CFAP299: variants seen among roughly 807,000 people sequenced by gnomAD.
CFAP299 encodes the protein cilia and flagella associated protein 299.
CFAP299 carries 21 observed loss-of-function variants against 27.0 expected under a neutral mutation model. That is an observed-to-expected ratio of 0.78 (90% CI 0.55 to 1.12). The LOEUF is 1.12. Among genes scored for constraint, CFAP299 ranks in the 50% most tolerant of loss-of-function variants. The pLI, the probability that CFAP299 is intolerant of heterozygous loss-of-function variation, is 0.00. For missense variants in CFAP299, 310 were observed against 276.6 expected, an observed-to-expected ratio of 1.12 and a Z score of -0.86; for synonymous variants, 104 against 98.1, an observed-to-expected ratio of 1.06 and a Z score of -0.36.
intron 2 of CFAP299, among the ~76,000 whole-genome samples, chr4:80,411,737 T>C (rs1415082482): frequency 2.0e-5 from 3 of 152,168 alleles, no homozygotes; most frequent in Non-Finnish European, 4.4e-5. Flanking sequence ...TCAAGAGCCC[T>C]TGAATGTTAT....
intron 3 of CFAP299, among the ~76,000 whole-genome samples, chr4:80,843,249 G>A (rs2110140573): frequency 6.6e-6 from 1 of 151,970 alleles, no homozygotes; most frequent in South Asian, 2.1e-4. Context: ...CCCCACAACA[G>A]GCCCCAGTGT....
At chr4:80,326,777 C>T in the CFAP299 span, among the ~76,000 whole-genome samples, 2 of 152,060 alleles carry the variant, frequency 1.3e-5, no homozygotes, top group Admixed American at 1.3e-4. Flanking sequence ...TTTGGGTAGC[C>T]TTTTTAAAAA....
intron 3 of CFAP299, among the ~76,000 whole-genome samples, chr4:80,851,942 G>A (rs1207890524): frequency 6.6e-6 from 1 of 152,104 alleles, no homozygotes; most frequent in Non-Finnish European, 1.5e-5. Flanking sequence ...TTATTGATCT[G>A]CGATTGTACT....
At position 80,808,181 on chromosome 4, in the gene CFAP299, C is replaced by T. The variant is rs1728961842; in HGVS notation, c.334-61812C>T. On this transcript the variant is annotated intron_variant, in intron 3 of 5. Coordinates refer to ENST00000358105, the MANE Select transcript of CFAP299 (RefSeq NM_152770.3). ...TTTTGATACCGAAATAGTGAAATAT[C>T]AAGTTAAACCAGTTAATTTGACTGC... Among the ~76,000 whole-genome samples the T allele has an allele frequency of 3.3e-5, 5 of 152,126 alleles. No homozygotes were observed. The South Asian group carries it at 1.0e-3, about 32-fold the overall frequency.
At chr4:80,837,336 G>A (rs555286636) in intron 3 of CFAP299, among the ~76,000 whole-genome samples, 17 of 152,260 alleles carry the variant, frequency 1.1e-4, no homozygotes, top group Admixed American at 9.8e-4. Context: ...TACAGAACAT[G>A]GAGGTTTGTT....
chr4:80,452,811 A>G lies in CFAP299; in HGVS notation c.242+89927A>G, dbSNP rs145060854. Among the ~76,000 whole-genome samples, 776 of 152,344 alleles carry G rather than the reference A, an allele frequency of 5.1e-3. 4 individuals are homozygous for G. Among genetic ancestry groups the G allele is most frequent in the Middle Eastern group, 0.017 (5 of 294 alleles). On this transcript the variant is annotated intron_variant, in intron 2 of 5. Coordinates refer to ENST00000358105, the MANE Select transcript of CFAP299 (RefSeq NM_152770.3). ...CAAATGAAAACATCCGTCCGCATTG[A>G]TGTTTTCCATTAGTCATCTTCAGAG...
chr4:80,712,049 T>C (rs1722206465), intron 3 of CFAP299, among the ~76,000 whole-genome samples: 1 of 152,198 alleles, frequency 6.6e-6, no homozygotes, highest in Non-Finnish European at 1.5e-5. Flanking sequence ...GCTCATGATG[T>C]ACTGCCAAGT....
At chr4:80,824,862 A>T (rs1176183710) in intron 3 of CFAP299, among the ~76,000 whole-genome samples, 2 of 152,096 alleles carry the variant, frequency 1.3e-5, no homozygotes, top group Non-Finnish European at 2.9e-5. Context: ...TTAACAAAAG[A>T]TTCACAGGGC....
At chr4:80,888,646 C>A (rs1170912681) in intron 4 of CFAP299, among the ~76,000 whole-genome samples, 2 of 152,000 alleles carry the variant, frequency 1.3e-5, no homozygotes, top group African/African-American at 2.4e-5. Context: ...CAAAATATTT[C>A]ATTCAATGGC....
chr4:80,700,907 A>G (rs1036749748), intron 3 of CFAP299, among the ~76,000 whole-genome samples: 39 of 152,058 alleles, frequency 2.6e-4, no homozygotes, highest in Non-Finnish European at 1.2e-4. Flanking sequence ...TGATTTACTA[A>G]TAGAAAAACA....
At chr4:80,345,088 T>TG (rs1220876281) in intron 1 of CFAP299, among the ~76,000 whole-genome samples, 1 of 152,204 alleles carries the variant, frequency 6.6e-6, no homozygotes, top group Non-Finnish European at 1.5e-5. Flanking sequence ...AAGACAAGGA[T>TG]GTCCTCTCTC....
At chr4:80,440,208 G>A (rs1728290971) in intron 2 of CFAP299, among the ~76,000 whole-genome samples, 1 of 152,180 alleles carries the variant, frequency 6.6e-6, no homozygotes, top group Non-Finnish European at 1.5e-5. Flanking sequence ...TCTGCTAAGG[G>A]ACAGACTGCC....
intron 3 of CFAP299, among the ~76,000 whole-genome samples, chr4:80,616,711 G>A (rs1738308253): frequency 6.6e-6 from 1 of 151,854 alleles, no homozygotes; most frequent in African/African-American, 2.4e-5. Context: ...TGTACTGATG[G>A]TCCCAACATA....
intron 2 of CFAP299, among the ~76,000 whole-genome samples, chr4:80,468,071 G>A (rs866884547): frequency 8.5e-5 from 13 of 152,196 alleles, no homozygotes; most frequent in Middle Eastern, 6.8e-3. Flanking sequence ...CCCTATCAGT[G>A]GATGAAAGTA....
intron 4 of CFAP299, among the ~76,000 whole-genome samples, chr4:80,897,775 T>C (rs1414886187): frequency 3.9e-5 from 6 of 152,230 alleles, no homozygotes. Flanking sequence ...TGTTTCCTTA[T>C]GCCCTGTGTC....
chr4:80,749,865 G>A (rs185050510), intron 3 of CFAP299, among the ~76,000 whole-genome samples: 7 of 152,210 alleles, frequency 4.6e-5, no homozygotes, highest in African/African-American at 1.7e-4. Flanking sequence ...ATCTCCTTTG[G>A]CAACACCCTC....
intron 2 of CFAP299, among the ~76,000 whole-genome samples, chr4:80,537,139 T>A (rs369410126): frequency 2.0e-5 from 3 of 152,210 alleles, no homozygotes; most frequent in African/African-American, 7.2e-5. Context: ...AAAAGGTCAA[T>A]GTAGTATCGC....
intron 3 of CFAP299, among the ~76,000 whole-genome samples, chr4:80,683,203 A>G (rs975518723): frequency 6.6e-6 from 1 of 152,180 alleles, no homozygotes; most frequent in African/African-American, 2.4e-5. Flanking sequence ...TGAATTCTTT[A>G]TAAATAATTA....
chr4:80,545,972 C>A (rs1274129572), intron 2 of CFAP299, among the ~76,000 whole-genome samples: 1 of 152,168 alleles, frequency 6.6e-6, no homozygotes, highest in African/African-American at 2.4e-5. Flanking sequence ...AAATGTGATT[C>A]ACCACATAAA....
Sources: allele counts gnomAD v4.1 joint callset (sites outside exome capture counted in the v4.1 genomes callset), GRCh38; gene constraint gnomAD v4.1.1; transcripts MANE v1.5; gene names NCBI Gene and HGNC (gene_info 2026-07-23, HGNC 2026-07-21).